The following CAMKMT variants were observed in gnomAD, a reference collection of about 807,000 sequenced individuals.
The protein encoded by CAMKMT is CaM KMT.
CAMKMT carries 53 observed loss-of-function variants against 48.0 expected under a neutral mutation model. That is an observed-to-expected ratio of 1.10 (90% confidence interval 0.89 to 1.39). CAMKMT has a LOEUF of 1.39. Among genes scored for constraint, CAMKMT ranks in the 40% most tolerant of loss-of-function variants. CAMKMT has a pLI of 0.00. For missense variants in CAMKMT, 428 were observed against 402.7 expected (o/e 1.06, Z -0.54); for synonymous variants, 165 against 152.3 (o/e 1.08, Z -0.61).
intron 3 of CAMKMT, among the ~76,000 whole-genome samples, chr2:44,626,944 C>A (rs532885188): frequency 6.6e-6 from 1 of 152,234 alleles, no homozygotes; most frequent in Admixed American, 6.5e-5. Context: ...ATATCCTTGC[C>A]TCGTTTCTGA....
At chr2:44,464,685 G>T (rs1353882811) in intron 3 of CAMKMT, among the ~76,000 whole-genome samples, 1 of 152,046 alleles carries the variant, frequency 6.6e-6, no homozygotes, top group Non-Finnish European at 1.5e-5. Flanking sequence ...TACTAAAAGT[G>T]CTGAAAGAAA....
chr2:44,385,679 A>G (rs1680721421), intron 2 of CAMKMT, among the ~76,000 whole-genome samples: 2 of 152,168 alleles, frequency 1.3e-5, no homozygotes, highest in Admixed American at 6.5e-5. Flanking sequence ...AGTTTTAATC[A>G]TAAAGCAATG....
chr2:44,635,616 T>G (rs1488096055), intron 3 of CAMKMT, among the ~76,000 whole-genome samples: 1 of 152,162 alleles, frequency 6.6e-6, no homozygotes, highest in Non-Finnish European at 1.5e-5. Context: ...GCAAAAAGAT[T>G]TGATCAGAAT....
At chr2:44,494,163 C>G (rs1669644083) in intron 3 of CAMKMT, among the ~76,000 whole-genome samples, 1 of 152,150 alleles carries the variant, frequency 6.6e-6, no homozygotes, top group East Asian at 1.9e-4. Flanking sequence ...CTTTGTATTC[C>G]TATTCAAAGA....
At chr2:44,409,893 C>T (rs1017887092) in intron 3 of CAMKMT, among the ~76,000 whole-genome samples, 2 of 151,756 alleles carry the variant, frequency 1.3e-5, no homozygotes, top group African/African-American at 4.8e-5. Context: ...TCTGTTAGGT[C>T]CTGGGGTATA....
chr2:44,472,553 C>A (rs1350921073), intron 3 of CAMKMT, among the ~76,000 whole-genome samples: 1 of 152,120 alleles, frequency 6.6e-6, no homozygotes, highest in African/African-American at 2.4e-5. Context: ...TACAAATATT[C>A]CATATATCCT....
intron 3 of CAMKMT, among the ~76,000 whole-genome samples, chr2:44,429,463 A>G (rs751090394): frequency 1.3e-4 from 20 of 152,114 alleles, no homozygotes; most frequent in South Asian, 2.1e-4. Flanking sequence ...ATGTTATCAT[A>G]CTTACTTCAA....
chr2:44,644,439 C>G (rs182644918), intron 3 of CAMKMT, among the ~76,000 whole-genome samples: 4 of 152,270 alleles, frequency 2.6e-5, no homozygotes, highest in Admixed American at 2.6e-4. Context: ...ATCACGTTTT[C>G]AAGTTATGCA....
At chr2:44,752,043 C>A in intron 8 of CAMKMT, among the ~76,000 whole-genome samples, 1 of 152,102 alleles carries the variant, frequency 6.6e-6, no homozygotes, top group East Asian at 1.9e-4. Flanking sequence ...CCACCTCCAA[C>A]ACTGGGGATC....
chr2:44,523,344 G>A (rs1027478072), intron 3 of CAMKMT, among the ~76,000 whole-genome samples: 7 of 146,950 alleles, frequency 4.8e-5, no homozygotes, highest in Non-Finnish European at 6.0e-5. Flanking sequence ...CCAGGGTATA[G>A]TGCAATGGTG....
chr2:44,678,130 A>G (rs939744549), intron 3 of CAMKMT, among the ~76,000 whole-genome samples: 9 of 152,136 alleles, frequency 5.9e-5, no homozygotes, highest in Admixed American at 2.0e-4. Context: ...GTTTCCGAAA[A>G]CCCATTAGCA....
At chr2:44,753,370 T>C (rs1283680965) in intron 8 of CAMKMT, among the ~76,000 whole-genome samples, 1 of 130,384 alleles carries the variant, frequency 7.7e-6, no homozygotes, top group African/African-American at 2.9e-5. Flanking sequence ...GAGGCTGCAG[T>C]AACTGGATGA....
rs981454684 is a variant in CAMKMT at position 44,698,912 on chromosome 2, C to T, written c.377-5371C>T. ...TATTCTAAATCCTTTGTTGTAATTT[C>T]GACAGTGTTCACAGCATCTTCACCA... is the stretch of plus-strand genomic sequence containing the variant. On this transcript the variant is annotated intron_variant, in intron 3 of 10. Coordinates refer to ENST00000378494, the MANE Select transcript of CAMKMT (RefSeq NM_024766.5). Among the ~76,000 whole-genome samples the T allele has an allele frequency of 2.0e-5, 3 of 152,198 alleles. No homozygotes were observed. The East Asian group carries it at 5.8e-4, about 29-fold the overall frequency.
chr2:44,384,022 C>A (rs1236417296), intron 2 of CAMKMT, among the ~76,000 whole-genome samples: 2 of 152,164 alleles, frequency 1.3e-5, no homozygotes, highest in African/African-American at 4.8e-5. Flanking sequence ...AATGGTAGTT[C>A]TACTTTTAGT....
chr2:44,463,597 A>G (rs1196196802), intron 3 of CAMKMT, among the ~76,000 whole-genome samples: 2 of 152,328 alleles, frequency 1.3e-5, no homozygotes, highest in Non-Finnish European at 1.5e-5. Context: ...TCAGAGTGCT[A>G]GCTGAACCAG....
At chr2:44,443,625 T>G (rs772407991) in intron 3 of CAMKMT, among the ~76,000 whole-genome samples, 5 of 152,218 alleles carry the variant, frequency 3.3e-5, no homozygotes, top group Non-Finnish European at 7.4e-5. Context: ...TTGAAAGGCA[T>G]CATCCTCATA....
At chr2:44,765,296 C>T (rs566350876) in intron 9 of CAMKMT, among the ~76,000 whole-genome samples, 6 of 151,940 alleles carry the variant, frequency 3.9e-5, no homozygotes, top group African/African-American at 1.4e-4. Context: ...TACACTATAC[C>T]TACAACATAG....
At chr2:44,474,496 G>C (rs888545341) in intron 3 of CAMKMT, among the ~76,000 whole-genome samples, 1 of 151,506 alleles carries the variant, frequency 6.6e-6, no homozygotes, top group African/African-American at 2.4e-5. Context: ...TAAGTATCGA[G>C]AGGTAAGTAG....
At position 44,639,474 on chromosome 2, in the gene CAMKMT, C is replaced by T. The variant is rs78015174; in HGVS notation, c.377-64809C>T. ...GTAAATTTGGGCAAATTAATCTATG[C>T]GCTTCAGTTTCCTTATCTTTAAAAT... On this transcript the variant is annotated intron_variant, in intron 3 of 10. Transcript: ENST00000378494. Among the ~76,000 whole-genome samples the T allele has an allele frequency of 8.0e-3, 1,222 of 152,260 alleles. 20 individuals are homozygous for T. Among genetic ancestry groups the T allele is most frequent in the African/African-American group, 0.028 (1,152 of 41,550 alleles).
Sources: allele counts gnomAD v4.1 joint callset (sites outside exome capture counted in the v4.1 genomes callset), GRCh38; gene constraint gnomAD v4.1.1; transcripts MANE v1.5; gene names NCBI Gene and HGNC (gene_info 2026-07-23, HGNC 2026-07-21).